The following FSTL5 variants were observed in gnomAD, a reference collection of about 807,000 sequenced individuals.
FSTL5 encodes the protein follistatin like 5.
FSTL5 carries 62 observed loss-of-function variants against 89.1 expected under a neutral mutation model. The ratio of observed to expected loss-of-function variants is 0.70; its 90% confidence interval spans 0.57 to 0.86. The LOEUF (loss-of-function observed/expected upper bound fraction) is 0.86. Ranked by LOEUF, FSTL5 falls within the 40% of genes least tolerant of loss-of-function variation. FSTL5 has a pLI of 0.00. For missense variants in FSTL5, 1,057 were observed against 1,001.6 expected, an observed-to-expected ratio of 1.06 and a Z score of -0.75; for synonymous variants, 383 against 346.2, an observed-to-expected ratio of 1.11 and a Z score of -1.18.
At chr4:161,786,188 T>C (rs1033813482) in intron 4 of FSTL5, among the ~76,000 whole-genome samples, 4 of 152,070 alleles carry the variant, frequency 2.6e-5, no homozygotes, top group African/African-American at 9.7e-5. Flanking sequence ...CATATAATAT[T>C]AAACATAATA....
chr4:161,978,616 C>G (rs941105402), intron 3 of FSTL5, among the ~76,000 whole-genome samples: 1 of 152,050 alleles, frequency 6.6e-6, no homozygotes, highest in African/African-American at 2.4e-5. Context: ...CTTCTACATA[C>G]AGTACTATTA....
At chr4:162,110,729 T>G (rs1731403135) in intron 2 of FSTL5, among the ~76,000 whole-genome samples, 1 of 151,640 alleles carries the variant, frequency 6.6e-6, no homozygotes, top group Admixed American at 6.6e-5. Context: ...AAATATCAGT[T>G]TATTTTATAC....
intron 3 of FSTL5, among the ~76,000 whole-genome samples, chr4:161,998,706 T>A (rs1736373304): frequency 1.3e-5 from 2 of 152,120 alleles, no homozygotes; most frequent in African/African-American, 4.8e-5. Context: ...GGTTCAATAA[T>A]CAATCAATTC....
intron 3 of FSTL5, among the ~76,000 whole-genome samples, chr4:161,993,785 T>G (rs1344169552): frequency 6.6e-6 from 1 of 152,138 alleles, no homozygotes; most frequent in Non-Finnish European, 1.5e-5. Flanking sequence ...TTTCATTTGA[T>G]TTTTAGTTTT....
At chr4:161,761,351 T>C (rs1740794424) in intron 5 of FSTL5, among the ~76,000 whole-genome samples, 1 of 152,170 alleles carries the variant, frequency 6.6e-6, no homozygotes, top group South Asian at 2.1e-4. Context: ...AAAATGACTT[T>C]TGACTTTTCC....
intron 1 of FSTL5, among the ~76,000 whole-genome samples, chr4:162,142,558 T>C (rs2111486633): frequency 6.6e-6 from 1 of 152,230 alleles, no homozygotes; most frequent in South Asian, 2.1e-4. Context: ...TGCTAGTTTG[T>C]TGAGTTTAAA....
At chr4:161,431,593 G>A (rs1732373712) in intron 15 of FSTL5, among the ~76,000 whole-genome samples, 1 of 151,948 alleles carries the variant, frequency 6.6e-6, no homozygotes, top group African/African-American at 2.4e-5. Flanking sequence ...CAATAAAATG[G>A]CAGAAGTAAG....
At chr4:161,639,214 C>G (rs1168946586) in intron 7 of FSTL5, among the ~76,000 whole-genome samples, 1 of 152,076 alleles carries the variant, frequency 6.6e-6, no homozygotes, top group Non-Finnish European at 1.5e-5. Context: ...GCAGATACAT[C>G]TCTTCCAATC....
chr4:161,554,395 G>GA (rs907179801), intron 8 of FSTL5, among the ~76,000 whole-genome samples: 20 of 150,666 alleles, frequency 1.3e-4, no homozygotes, highest in East Asian at 5.9e-4. Context: ...ATTCTAATGT[G>GA]AAAAAAAAAT....
chr4:161,477,455 C>A (rs1729323349), intron 13 of FSTL5, among the ~76,000 whole-genome samples: 6 of 150,170 alleles, frequency 4.0e-5, no homozygotes, highest in Admixed American at 1.3e-4. Flanking sequence ...ACACTTTATG[C>A]AATTATTATT....
intron 5 of FSTL5, among the ~76,000 whole-genome samples, chr4:161,771,706 A>T (rs958220433): frequency 2.0e-5 from 3 of 152,076 alleles, no homozygotes; most frequent in Admixed American, 6.6e-5. Context: ...CATATGTTTG[A>T]TTGATACTAA....
chr4:161,614,617 T>C (rs1190062280), intron 7 of FSTL5, among the ~76,000 whole-genome samples: 1 of 152,192 alleles, frequency 6.6e-6, no homozygotes, highest in Admixed American at 6.5e-5. Context: ...ATGCTTATGT[T>C]GCATGATACA....
chr4:162,078,379 C>T (rs1293502538), intron 2 of FSTL5, among the ~76,000 whole-genome samples: 1 of 151,800 alleles, frequency 6.6e-6, no homozygotes, highest in African/African-American at 2.4e-5. Flanking sequence ...GCTGACTTTA[C>T]AAATAAGTGT....
At chr4:161,563,842 G>C (rs1178414856) in intron 8 of FSTL5, among the ~76,000 whole-genome samples, 1 of 151,928 alleles carries the variant, frequency 6.6e-6, no homozygotes, top group Non-Finnish European at 1.5e-5. Context: ...AAATTGGTTA[G>C]AAGTGCCAAC....
intron 6 of FSTL5, among the ~76,000 whole-genome samples, chr4:161,678,168 ATACT>A (rs1463625053): frequency 5.9e-5 from 9 of 151,934 alleles, no homozygotes; most frequent in South Asian, 2.1e-4. Flanking sequence ...GGCATATATG[ATACT>A]TACTATATAA....
At chr4:161,941,150 C>T (rs998605813) in intron 3 of FSTL5, among the ~76,000 whole-genome samples, 1 of 151,350 alleles carries the variant, frequency 6.6e-6, no homozygotes, top group African/African-American at 2.4e-5. Flanking sequence ...AAGAAAATAT[C>T]TAAAAATATA....
intron 2 of FSTL5, among the ~76,000 whole-genome samples, chr4:162,073,862 T>C (rs1729727415): frequency 6.6e-6 from 1 of 151,792 alleles, no homozygotes. Flanking sequence ...ATACAGATGC[T>C]GTCGTTAACA....
intron 7 of FSTL5, among the ~76,000 whole-genome samples, chr4:161,646,859 G>T (rs1250506367): frequency 6.6e-6 from 1 of 151,956 alleles, no homozygotes; most frequent in Non-Finnish European, 1.5e-5. Flanking sequence ...ATTTTTATTT[G>T]TTTTTGCAAT....
At chr4:161,533,671 C>T (rs1314442662) in intron 10 of FSTL5, among the ~76,000 whole-genome samples, 1 of 152,078 alleles carries the variant, frequency 6.6e-6, no homozygotes, top group Non-Finnish European at 1.5e-5. Context: ...ACCAATCCTA[C>T]TGAAACTATT....
Sources: gnomAD v4.1 joint callset for allele counts (sites outside exome capture counted in the v4.1 genomes callset) on GRCh38, gnomAD v4.1.1 for gene constraint, MANE v1.5 for transcripts, NCBI Gene and HGNC (gene_info 2026-07-23, HGNC 2026-07-21) for gene names.